Variants in ABCG2 observed in about 807,000 individuals in gnomAD.
The protein encoded by ABCG2 is broad substrate specificity ATP-binding cassette transporter ABCG2.
In ABCG2, 80 loss-of-function variants were observed where a neutral mutation model predicts 73.5. The ratio of observed to expected loss-of-function variants is 1.09; its 90% CI spans 0.91 to 1.31. The LOEUF is 1.31. ABCG2 is among the 50% of genes most tolerant of loss of function. The pLI, the probability that ABCG2 is intolerant of heterozygous loss-of-function variation, is 0.00. For synonymous variants in ABCG2, 269 were observed against 282.4 expected (o/e 0.95, Z 0.48); for missense variants, 796 against 786.2 (o/e 1.01, Z -0.15).
At position 88,192,430 on chromosome 4, in the gene ABCG2, T is replaced by C. The variant is rs565814456; in HGVS notation, c.-20+38564A>G. On this transcript the variant is annotated intron_variant, in intron 1 of 15. Coordinates refer to the ABCG2 transcript ENST00000515655. Reference sequence around the variant, plus strand: ...TCCTTTTCCCTTTCTTTTCCTTTTTTTGAGATGGAGTCTCGCTCCATCGCC... The same window carrying C: ...TCCTTTTCCCTTTCTTTTCCTTTTTCTGAGATGGAGTCTCGCTCCATCGCC... Among the ~76,000 whole-genome samples, 20 of 152,300 alleles carry C rather than the reference T, an allele frequency of 1.3e-4. No homozygotes were observed. The South Asian group carries it at 3.9e-3, about 30-fold the overall frequency.
chr4:88,193,002 C>T (rs1251006935), intron 1 of ABCG2, among the ~76,000 whole-genome samples: 1 of 152,086 alleles, frequency 6.6e-6, no homozygotes, highest in Non-Finnish European at 1.5e-5. Flanking sequence ...CGTGAGCCAC[C>T]GTGCCCAGCC....
chr4:88,169,105 GCA>G (rs1321108041), intron 1 of ABCG2, among the ~76,000 whole-genome samples: 50 of 151,112 alleles, frequency 3.3e-4, no homozygotes, highest in African/African-American at 1.2e-3. Flanking sequence ...GAGTGCAGTG[GCA>G]CAGTCTCAGG....
intron 1 of ABCG2, among the ~76,000 whole-genome samples, chr4:88,225,179 T>G (rs1043931368): frequency 6.6e-5 from 10 of 152,208 alleles, no homozygotes; most frequent in African/African-American, 2.4e-4. Flanking sequence ...AAGGGCCAGA[T>G]AGTGAATATT....
intron 5 of ABCG2, among the ~76,000 whole-genome samples, chr4:88,125,335 G>C (rs1421091509): frequency 6.7e-6 from 1 of 149,546 alleles, no homozygotes; most frequent in Non-Finnish European, 1.5e-5. Context: ...ATGACTGGGC[G>C]TGGTGGCTCA....
intron 1 of ABCG2, among the ~76,000 whole-genome samples, chr4:88,186,668 C>T (rs552195712): frequency 1.1e-3 from 162 of 151,738 alleles, no homozygotes; most frequent in Admixed American, 3.2e-3. Flanking sequence ...GCCTGTAATC[C>T]CAGCACTTTG....
chr4:88,172,092 C>A (rs181836006), intron 1 of ABCG2, among the ~76,000 whole-genome samples: 1 of 151,794 alleles, frequency 6.6e-6, no homozygotes, highest in Non-Finnish European at 1.5e-5. Flanking sequence ...GTCAGGAGTT[C>A]GAGACCAGCC....
intron 1 of ABCG2, among the ~76,000 whole-genome samples, chr4:88,143,854 G>GA (rs1189216338): frequency 2.0e-5 from 3 of 151,770 alleles, no homozygotes; most frequent in Non-Finnish European, 4.4e-5. Context: ...CTTACTCTAA[G>GA]AAAAAAAACA....
In ABCG2 at chr4:88,121,781, C is replaced by CT. The variant is rs1445054262; in HGVS notation, c.542dup (p.Phe182ValfsTer14). 6 of 1,612,032 alleles carry CT rather than the reference C, an allele frequency of 3.7e-6. No homozygotes were observed. In the African/African-American group the frequency reaches 8.0e-5, roughly 22 times the overall value. On this transcript the variant is annotated frameshift_variant, in exon 6 of 16. Coordinates refer to ENST00000237612, the MANE Select transcript of ABCG2 (RefSeq NM_004827.3). LOFTEE classifies it high-confidence loss of function. ...CTCCTCCAGACACACCACGGATAAA[C>CT]TGAGTTCCAACCTAAATCACAAATA...
intron 1 of ABCG2, among the ~76,000 whole-genome samples, chr4:88,184,362 G>C (rs934617970): frequency 1.3e-5 from 2 of 152,100 alleles, no homozygotes; most frequent in Non-Finnish European, 2.9e-5. Flanking sequence ...TAAAGTTGCA[G>C]GATACAAAAT....
chr4:88,195,917 C>T (rs1728924727), intron 1 of ABCG2, among the ~76,000 whole-genome samples: 1 of 152,152 alleles, frequency 6.6e-6, no homozygotes, highest in Admixed American at 6.5e-5. Flanking sequence ...CAGTTAAACT[C>T]GGCATTTTGC....
intron 1 of ABCG2, among the ~76,000 whole-genome samples, chr4:88,189,157 T>C (rs1215017925): frequency 6.6e-6 from 1 of 152,190 alleles, no homozygotes; most frequent in African/African-American, 2.4e-5. Context: ...TGGTTAAATT[T>C]ATTTATAAGT....
chr4:88,171,155 T>C (rs1370733273), intron 1 of ABCG2, among the ~76,000 whole-genome samples: 1 of 150,600 alleles, frequency 6.6e-6, no homozygotes. Flanking sequence ...GCAGAAAAAA[T>C]AACTTGGGTA....
intron 15 of ABCG2, among the ~76,000 whole-genome samples, chr4:88,092,845 T>C (rs554839574): frequency 3.9e-5 from 6 of 152,304 alleles, no homozygotes; most frequent in African/African-American, 7.2e-5. Flanking sequence ...TGATCAAAGC[T>C]CTTACAGTAC....
intron 9 of ABCG2, 152 bp downstream of exon 9, chr4:88,113,151 T>G: frequency 9.1e-7 from 1 of 1,102,134 alleles, no homozygotes; most frequent in Non-Finnish European, 1.3e-6. Context: ...TTAATTGTCC[T>G]TTATTTGTTC....
At chr4:88,127,991 C>A (rs547725002) in intron 5 of ABCG2, among the ~76,000 whole-genome samples, 1 of 150,160 alleles carries the variant, frequency 6.7e-6, no homozygotes, top group Non-Finnish European at 1.5e-5. Context: ...AGTGAACAGG[C>A]AACCTACAGA....
chr4:88,212,869 T>C (rs1729658191), intron 1 of ABCG2, among the ~76,000 whole-genome samples: 1 of 152,154 alleles, frequency 6.6e-6, no homozygotes, highest in Admixed American at 6.5e-5. Context: ...GAAAAACACA[T>C]AAGAATAATA....
At chr4:88,210,510 T>C (rs1346694121) in intron 1 of ABCG2, among the ~76,000 whole-genome samples, 1 of 152,184 alleles carries the variant, frequency 6.6e-6, no homozygotes, top group Non-Finnish European at 1.5e-5. Flanking sequence ...ATGAAGGATG[T>C]TGTTCTAAAA....
chr4:88,118,104 C>T lies in ABCG2; in HGVS notation c.841+5G>A, dbSNP rs201451986. 8.4e-5 allele frequency: 135 copies of T among 1,610,874 alleles called. No individual in the cohort carries two copies. Among genetic ancestry groups the T allele is most frequent in the Non-Finnish European group, 1.4e-5 (16 of 1,179,006 alleles). ...CATTTTACAGCATAAAAAAGTCAAC[C>T]ATACCAGCTGATTCAAAGTATCCCA... On this transcript the variant is annotated splice_donor_5th_base_variant and intron_variant, in intron 7 of 15. Transcript: ENST00000237612.
At chr4:88,204,204 G>C (rs573020069) in intron 1 of ABCG2, among the ~76,000 whole-genome samples, 1 of 151,878 alleles carries the variant, frequency 6.6e-6, no homozygotes, top group Non-Finnish European at 1.5e-5. Context: ...GGCAGATCAC[G>C]GGGTCAAAAG....
Sources: gnomAD v4.1 joint callset for allele counts (sites outside exome capture counted in the v4.1 genomes callset) on GRCh38, gnomAD v4.1.1 for gene constraint, MANE v1.5 for transcripts, NCBI Gene and HGNC (gene_info 2026-07-23, HGNC 2026-07-21) for gene names.